RFX4: variants seen among roughly 807,000 people sequenced by gnomAD.
The protein encoded by RFX4 is regulatory factor X4.
A neutral mutation model predicts 95.0 loss-of-function variants in RFX4; 10 were observed. The ratio of observed to expected loss-of-function variants is 0.11; its 90% CI spans 0.06 to 0.18. The LOEUF (loss-of-function observed/expected upper bound fraction) is 0.18, where lower values mean the gene tolerates loss of function less well. Among genes scored for constraint, RFX4 ranks in the 10% least tolerant of loss-of-function variants. The pLI is 1.00. For synonymous variants in RFX4, 321 were observed against 340.7 expected, an observed-to-expected ratio of 0.94 and a Z score of 0.64; for missense variants, 640 against 922.0, an observed-to-expected ratio of 0.69 and a Z score of 3.96.
Position 106,625,044 on chromosome 12 carries a change from A to G in RFX4, c.131-14288A>G, listed in dbSNP as rs1323310229. Among the ~76,000 whole-genome samples the G allele has an allele frequency of 2.2e-4, 34 of 152,148 alleles. 1 individual carries two copies. Among genetic ancestry groups the G allele is most frequent in the Admixed American group, 2.2e-3 (33 of 15,280 alleles). Reference sequence around the variant, plus strand: ...ATGAAAATGTGTTGCTCGGAATGGGAGACTATTCAGTTTGTTAGCCTAGAA... The same window carrying G: ...ATGAAAATGTGTTGCTCGGAATGGGGGACTATTCAGTTTGTTAGCCTAGAA... On this transcript the variant is annotated intron_variant, in intron 2 of 17. Coordinates refer to ENST00000392842, the MANE Select transcript of RFX4 (RefSeq NM_213594.3).
chr12:106,610,134 A>G (rs1345183806), intron 2 of RFX4, among the ~76,000 whole-genome samples: 1 of 150,940 alleles, frequency 6.6e-6, no homozygotes, highest in Non-Finnish European at 1.5e-5. Flanking sequence ...ACTACTCGAG[A>G]GGCTGAGGCA....
intron 2 of RFX4, among the ~76,000 whole-genome samples, chr12:106,615,692 A>G (rs1268187437): frequency 1.3e-5 from 2 of 152,150 alleles, no homozygotes; most frequent in African/African-American, 4.8e-5. Context: ...GAGATTTTAC[A>G]CATCTTTCTT....
chr12:106,739,383 CA>C (rs1298917674), intron 15 of RFX4, among the ~76,000 whole-genome samples: 3 of 152,044 alleles, frequency 2.0e-5, no homozygotes, highest in African/African-American at 7.2e-5. Flanking sequence ...CTCCATTTTT[CA>C]GCTGTGAAAA....
chr12:106,646,679 C>T (rs559276089), intron 3 of RFX4, among the ~76,000 whole-genome samples: 4 of 152,246 alleles, frequency 2.6e-5, no homozygotes, highest in East Asian at 3.9e-4. Flanking sequence ...AGCAATCACC[C>T]GTGGGATGCC....
intron 13 of RFX4, among the ~76,000 whole-genome samples, chr12:106,723,884 A>C (rs1166468212): frequency 2.0e-5 from 3 of 152,216 alleles, no homozygotes. Context: ...GTGTGGACTC[A>C]GGGAAGTGGC....
chr12:106,733,511 C>T (rs2042652643), intron 15 of RFX4: 2 of 155,644 alleles, frequency 1.3e-5, no homozygotes, highest in African/African-American at 4.8e-5. Context: ...AAAACTAAGC[C>T]ACTGAATTGA....
intron 2 of RFX4, among the ~76,000 whole-genome samples, chr12:106,619,296 A>C (rs2137231395): frequency 6.6e-6 from 1 of 152,348 alleles, no homozygotes; most frequent in Admixed American, 6.5e-5. Context: ...ATCATGAAAC[A>C]CATGTTTATT....
intron 1 of RFX4, among the ~76,000 whole-genome samples, chr12:106,607,487 C>T (rs903998017): frequency 9.8e-5 from 13 of 131,992 alleles, no homozygotes; most frequent in African/African-American, 1.4e-4. Flanking sequence ...CATAACACAA[C>T]GTGGACCGAA....
intron 17 of RFX4, among the ~76,000 whole-genome samples, chr12:106,760,206 T>C (rs1461669046): frequency 6.6e-6 from 1 of 152,204 alleles, no homozygotes; most frequent in Non-Finnish European, 1.5e-5. Flanking sequence ...GATTGGCTCC[T>C]GTCCTTGTTG....
chr12:106,733,175 CCA>C lies in RFX4; in HGVS notation c.1633+99_1633+100del. 1.1e-5 allele frequency: 15 copies of C among 1,391,118 alleles called. No individual in the cohort carries two copies. The Middle Eastern group carries it at 2.0e-3, about 188-fold the overall frequency. 86.2% of individuals were successfully genotyped at this position (1,391,118 alleles called of 1,614,324 possible). A position where few individuals can be genotyped will look rare whatever the true frequency, so the allele number is the denominator to read the frequency against. On this transcript the variant is annotated intron_variant, in intron 15 of 17. Coordinates refer to ENST00000392842, the MANE Select transcript of RFX4 (RefSeq NM_213594.3). ...TGGGCAACATAGTGAGACTTCATTT[CCA>C]CACACACAAAAAGCCAGACATCTTG...
intron 7 of RFX4, among the ~76,000 whole-genome samples, chr12:106,694,155 T>G (rs552218401): frequency 5.3e-5 from 8 of 152,338 alleles, no homozygotes; most frequent in Admixed American, 2.0e-4. Flanking sequence ...ACTGAAGTCT[T>G]TTCGATTTAC....
intron 4 of RFX4, among the ~76,000 whole-genome samples, chr12:106,654,947 A>C (rs1387379276): frequency 6.6e-6 from 1 of 152,228 alleles, no homozygotes; most frequent in African/African-American, 2.4e-5. Flanking sequence ...GGCTACACCA[A>C]AAAAATACCC....
At chr12:106,749,862 C>T (rs1379917578) in intron 16 of RFX4, among the ~76,000 whole-genome samples, 3 of 152,134 alleles carry the variant, frequency 2.0e-5, no homozygotes, top group Non-Finnish European at 4.4e-5. Context: ...ATGGTGCTCT[C>T]CCCCCAGGAG....
At chr12:106,703,714 C>T (rs1429483469) in intron 8 of RFX4, among the ~76,000 whole-genome samples, 2 of 152,044 alleles carry the variant, frequency 1.3e-5, no homozygotes, top group African/African-American at 4.8e-5. Flanking sequence ...AAATGTTAAC[C>T]CCTCCCTTCC....
intron 4 of RFX4, among the ~76,000 whole-genome samples, chr12:106,667,080 TC>T (rs1329485148): frequency 6.6e-6 from 1 of 152,220 alleles, no homozygotes; most frequent in Non-Finnish European, 1.5e-5. Flanking sequence ...TAGGTCTCAA[TC>T]CTTTAGTAAG....
intron 15 of RFX4, among the ~76,000 whole-genome samples, chr12:106,739,581 A>G (rs1206891637): frequency 6.6e-6 from 1 of 152,198 alleles, no homozygotes; most frequent in African/African-American, 2.4e-5. Context: ...ACATTTCTAA[A>G]TATATTTTAT....
chr12:106,650,741 A>G (rs1013547569), intron 3 of RFX4, among the ~76,000 whole-genome samples: 1 of 152,144 alleles, frequency 6.6e-6, no homozygotes, highest in Non-Finnish European at 1.5e-5. Context: ...AGAAAAAAAA[A>G]AAGTCTAAGA....
intron 1 of RFX4, among the ~76,000 whole-genome samples, chr12:106,608,563 C>T (rs1326289044): frequency 6.6e-6 from 1 of 152,206 alleles, no homozygotes; most frequent in Non-Finnish European, 1.5e-5. Flanking sequence ...AGTGAGGCTT[C>T]AAAGAGCCAT....
At chr12:106,674,687 T>G (rs1289094747) in intron 4 of RFX4, among the ~76,000 whole-genome samples, 1 of 152,216 alleles carries the variant, frequency 6.6e-6, no homozygotes, top group African/African-American at 2.4e-5. Flanking sequence ...TCTGGAGCAC[T>G]TACCTGATAG....
Sources: allele counts gnomAD v4.1 joint callset (sites outside exome capture counted in the v4.1 genomes callset), GRCh38; gene constraint gnomAD v4.1.1; transcripts MANE v1.5; gene names NCBI Gene and HGNC (gene_info 2026-07-23, HGNC 2026-07-21).